Variants in SEMA6A observed in about 807,000 individuals in gnomAD.
The protein encoded by SEMA6A is semaphorin 6A, also known as semaphorin-6A.
A neutral mutation model predicts 96.8 loss-of-function variants in SEMA6A; 25 were observed. That is an observed-to-expected ratio of 0.26 (90% CI 0.19 to 0.36). SEMA6A has a LOEUF of 0.36. SEMA6A is among the 10% of genes least tolerant of loss of function. The probability of loss-of-function intolerance (pLI) is 1.00; values close to 1 mark genes in which losing one functional copy is unlikely to be tolerated. For synonymous variants in SEMA6A, 612 were observed against 518.0 expected, an observed-to-expected ratio of 1.18 and a Z score of -2.46; for missense variants, 1,363 against 1,323.1, an observed-to-expected ratio of 1.03 and a Z score of -0.47.
At chr5:116,478,809 C>A in intron 12 of SEMA6A, 91 bp from the exon 13 acceptor site, 1 of 1,247,666 alleles carries the variant, frequency 8.0e-7, no homozygotes, top group Non-Finnish European at 1.1e-6. Flanking sequence ...ACATAGCCTT[C>A]TAGTAATAAC....
chr5:116,454,023 G>T (rs1304405196), intron 18 of SEMA6A, among the ~76,000 whole-genome samples: 1 of 152,184 alleles, frequency 6.6e-6, no homozygotes, highest in Non-Finnish European at 1.5e-5. Context: ...AAATGGTTAA[G>T]TGTGCACTTT....
chr5:116,509,691 A>G (rs1758320085), intron 1 of SEMA6A, among the ~76,000 whole-genome samples: 1 of 152,164 alleles, frequency 6.6e-6, no homozygotes, highest in African/African-American at 2.4e-5. Flanking sequence ...TTCCAAAGCC[A>G]GGAACATCAC....
At chr5:116,523,503 G>T (rs1651390729) in intron 1 of SEMA6A, among the ~76,000 whole-genome samples, 1 of 151,998 alleles carries the variant, frequency 6.6e-6, no homozygotes, top group African/African-American at 2.4e-5. Context: ...GTAGAGACGG[G>T]ATTTCATCAT....
chr5:116,565,377 C>T (rs1352088750), intron 1 of SEMA6A, among the ~76,000 whole-genome samples: 2 of 152,196 alleles, frequency 1.3e-5, no homozygotes, highest in African/African-American at 2.4e-5. Flanking sequence ...CTATGTGAGG[C>T]ACTGAAACTA....
At chr5:116,527,264 A>G (rs564496422) in intron 1 of SEMA6A, among the ~76,000 whole-genome samples, 6 of 152,294 alleles carry the variant, frequency 3.9e-5, no homozygotes, top group Non-Finnish European at 5.9e-5. Context: ...AAAAAAAAAG[A>G]AGCAATTGAA....
At chr5:116,480,092 C>T (rs1348904277) in intron 12 of SEMA6A, 30 bp downstream of exon 12, 1 of 1,608,682 alleles carries the variant, frequency 6.2e-7, no homozygotes, top group Non-Finnish European at 8.5e-7. Context: ...GTTAGGAAAT[C>T]CATCAGGACA....
intron 1 of SEMA6A, among the ~76,000 whole-genome samples, chr5:116,563,907 A>G (rs894984743): frequency 6.6e-6 from 1 of 152,174 alleles, no homozygotes; most frequent in Non-Finnish European, 1.5e-5. Context: ...CTTCTCAGAG[A>G]TATCTGAGGG....
In SEMA6A at chr5:116,446,576, G is replaced by A; in HGVS notation, c.*37C>T. Reference sequence around the variant, plus strand: ...CTGAGCTGAGCGGGCACCTCGCCTTGCCTGCTGGTTCGACACCTGACCCCC... The same window carrying A: ...CTGAGCTGAGCGGGCACCTCGCCTTACCTGCTGGTTCGACACCTGACCCCC... On this transcript the variant is annotated 3_prime_UTR_variant, in exon 19 of 19. Coordinates refer to ENST00000343348, the MANE Select transcript of SEMA6A (RefSeq NM_020796.5). The A allele has an allele frequency of 6.9e-7, 1 of 1,447,568 alleles. No individual in the cohort carries two copies. Among genetic ancestry groups the A allele is most frequent in the South Asian group, 1.5e-5 (1 of 67,084 alleles). 89.7% of individuals were successfully genotyped at this position (1,447,568 alleles called of 1,614,324 possible).
intron 11 of SEMA6A, among the ~76,000 whole-genome samples, chr5:116,481,950 C>T (rs755542279): frequency 2.0e-5 from 3 of 152,118 alleles, no homozygotes; most frequent in African/African-American, 7.2e-5. Flanking sequence ...CCACTGTACC[C>T]GCTGGATTCT....
At chr5:116,565,242 C>G (rs990212414) in intron 1 of SEMA6A, among the ~76,000 whole-genome samples, 1 of 152,202 alleles carries the variant, frequency 6.6e-6, no homozygotes, top group Non-Finnish European at 1.5e-5. Flanking sequence ...CAGAAGTTGC[C>G]TCTTTTAATC....
At chr5:116,531,077 A>G (rs1011981335) in intron 1 of SEMA6A, among the ~76,000 whole-genome samples, 3 of 151,758 alleles carry the variant, frequency 2.0e-5, no homozygotes, top group African/African-American at 4.8e-5. Flanking sequence ...CTTAAGTACT[A>G]TGTGTATTGC....
intron 1 of SEMA6A, among the ~76,000 whole-genome samples, chr5:116,572,411 C>A (rs1479825326): frequency 6.6e-6 from 1 of 152,218 alleles, no homozygotes; most frequent in African/African-American, 2.4e-5. Context: ...CTCCCCAGTG[C>A]GATACAGGCC....
intron 11 of SEMA6A, among the ~76,000 whole-genome samples, chr5:116,480,576 A>G (rs1272642633): frequency 6.6e-6 from 1 of 152,108 alleles, no homozygotes; most frequent in Non-Finnish European, 1.5e-5. Flanking sequence ...GAAACAAGTG[A>G]GTGAGTGTGG....
intron 1 of SEMA6A, among the ~76,000 whole-genome samples, chr5:116,545,845 G>A (rs540501733): frequency 1.7e-4 from 26 of 152,240 alleles, no homozygotes; most frequent in Admixed American, 9.2e-4. Context: ...TTCAAAAGAG[G>A]TGCTCCGAAG....
intron 6 of SEMA6A, among the ~76,000 whole-genome samples, chr5:116,494,676 T>A (rs1426379732): frequency 6.6e-6 from 1 of 152,216 alleles, no homozygotes; most frequent in Non-Finnish European, 1.5e-5. Context: ...TGAGGCCTCC[T>A]GTCTGTCTTT....
intron 1 of SEMA6A, among the ~76,000 whole-genome samples, chr5:116,529,476 G>A (rs79056661): frequency 0.03 from 4,629 of 152,104 alleles, 246 homozygotes; most frequent in African/African-American, 0.11. Context: ...ATCCTTACAC[G>A]TTGTATACAT....
chr5:116,461,953 A>C (rs1439912769), intron 18 of SEMA6A, among the ~76,000 whole-genome samples: 8 of 152,186 alleles, frequency 5.3e-5, no homozygotes, highest in Non-Finnish European at 1.2e-4. Context: ...GTTAACGGTA[A>C]TATTACTGAA....
intron 18 of SEMA6A, among the ~76,000 whole-genome samples, chr5:116,450,752 A>G (rs1754575053): frequency 6.6e-6 from 1 of 152,148 alleles, no homozygotes; most frequent in Non-Finnish European, 1.5e-5. Context: ...ACATTTTTGC[A>G]TGTCTTCATC....
At chr5:116,499,702 T>C (rs1445734861) in intron 3 of SEMA6A, among the ~76,000 whole-genome samples, 1 of 152,234 alleles carries the variant, frequency 6.6e-6, no homozygotes, top group Non-Finnish European at 1.5e-5. Context: ...ACTTGACCTT[T>C]AGTAAAGATG....
Sources: allele counts gnomAD v4.1 joint callset (sites outside exome capture counted in the v4.1 genomes callset), GRCh38; gene constraint gnomAD v4.1.1; transcripts MANE v1.5; gene names NCBI Gene and HGNC (gene_info 2026-07-23, HGNC 2026-07-21).